The following RPS6KA2 variants were observed in gnomAD, a reference collection of about 807,000 sequenced individuals.
RPS6KA2 encodes ribosomal protein S6 kinase A2, also known as ribosomal protein S6 kinase alpha-2.
A neutral mutation model predicts 91.8 loss-of-function variants in RPS6KA2; 42 were observed. The observed-to-expected ratio is 0.46, with a 90% CI of 0.36 to 0.59. RPS6KA2 has a LOEUF of 0.59. Ranked by LOEUF, RPS6KA2 falls within the 20% of genes least tolerant of loss-of-function variation. The probability of loss-of-function intolerance (pLI) is 0.00; values close to 1 mark genes in which losing one functional copy is unlikely to be tolerated. For missense variants in RPS6KA2, 798 were observed against 978.5 expected, an observed-to-expected ratio of 0.82 and a Z score of 2.46; for synonymous variants, 414 against 393.6, an observed-to-expected ratio of 1.05 and a Z score of -0.61.
chr6:166,529,518 T>C (rs1747610059), intron 3 of RPS6KA2, among the ~76,000 whole-genome samples: 1 of 152,058 alleles, frequency 6.6e-6, no homozygotes, highest in African/African-American at 2.4e-5. Context: ...CATGTATACA[T>C]ATGTAACAAA....
chr6:166,517,463 T>TGG (rs1782692083), intron 3 of RPS6KA2, among the ~76,000 whole-genome samples: 2 of 54,836 alleles, frequency 3.6e-5, no homozygotes, highest in Admixed American at 1.9e-4. Context: ...TTGTTTTTTT[T>TGG]TTTTTTTTTT....
intron 2 of RPS6KA2, among the ~76,000 whole-genome samples, chr6:166,689,930 C>T (rs558588896): frequency 6.6e-6 from 1 of 152,334 alleles, no homozygotes; most frequent in East Asian, 1.9e-4. Context: ...TGAGGCCCAC[C>T]CACCTCACCA....
At chr6:166,491,120 TAGG>T (rs769816702) in intron 8 of RPS6KA2, among the ~76,000 whole-genome samples, 1 of 151,920 alleles carries the variant, frequency 6.6e-6, no homozygotes, top group East Asian at 1.9e-4. Context: ...AGGGATGAGC[TAGG>T]AGGAGGAGGA....
intron 2 of RPS6KA2, among the ~76,000 whole-genome samples, chr6:166,706,841 T>C (rs116618170): frequency 0.026 from 3,892 of 152,250 alleles, 164 homozygotes; most frequent in African/African-American, 0.087. Flanking sequence ...AAAAGTAAAA[T>C]AGTATTAAAC....
Position 166,812,517 on chromosome 6 carries a change from A to AGGCTTTC in RPS6KA2, c.123+45676_123+45682dup, listed in dbSNP as rs1779665537. Among the ~76,000 whole-genome samples, 3 of 151,970 alleles carry AGGCTTTC rather than the reference A, an allele frequency of 2.0e-5. No individual in the cohort carries two copies. The South Asian group carries it at 6.2e-4, about 32-fold the overall frequency. On this transcript the variant is annotated intron_variant, in intron 2 of 21. Transcript: ENST00000503859. ...CTGAGTGTGGGGAGATGTCCCTTTT[A>AGGCTTTC]GGCTTTCTCTCAAAGCCCTGCAGGG...
intron 10 of RPS6KA2, among the ~76,000 whole-genome samples, chr6:166,474,371 C>T (rs950738962): frequency 3.2e-4 from 49 of 152,328 alleles, no homozygotes; most frequent in Admixed American, 1.2e-3. Context: ...GAAGACAGCA[C>T]GCCTGGCTTA....
chr6:166,745,636 C>T (rs1202459817), intron 2 of RPS6KA2, among the ~76,000 whole-genome samples: 3 of 152,182 alleles, frequency 2.0e-5, no homozygotes, highest in African/African-American at 4.8e-5. Context: ...CAACAGAACC[C>T]CAAAGCCTGG....
chr6:166,593,838 T>C (rs1041602740), intron 1 of RPS6KA2, among the ~76,000 whole-genome samples: 6 of 152,204 alleles, frequency 3.9e-5, no homozygotes, highest in Admixed American at 2.6e-4. Flanking sequence ...TTTTAATGTG[T>C]CAAACTTCTA....
intron 2 of RPS6KA2, among the ~76,000 whole-genome samples, chr6:166,646,399 C>G (rs1787603112): frequency 6.6e-6 from 1 of 152,230 alleles, no homozygotes; most frequent in South Asian, 2.1e-4. Flanking sequence ...AAGAACACAA[C>G]CAGCCAAGCT....
chr6:166,486,739 A>G (rs1351016460), intron 10 of RPS6KA2, among the ~76,000 whole-genome samples: 1 of 152,012 alleles, frequency 6.6e-6, no homozygotes, highest in Non-Finnish European at 1.5e-5. Flanking sequence ...GGGTGAGTCT[A>G]CACTCTCCAG....
intron 2 of RPS6KA2, among the ~76,000 whole-genome samples, chr6:166,834,668 TG>T (rs1382915585): frequency 6.6e-6 from 1 of 152,214 alleles, no homozygotes; most frequent in Non-Finnish European, 1.5e-5. Context: ...ATTGGGTGGT[TG>T]TCTTCTTATT....
At position 166,671,896 on chromosome 6, in the gene RPS6KA2, C is replaced by T. The variant is rs533099227; in HGVS notation, c.124-133112G>A. Among the ~76,000 whole-genome samples the T allele has an allele frequency of 1.0e-3, 159 of 152,166 alleles. 2 individuals carry two copies. Among genetic ancestry groups the T allele is most frequent in the African/African-American group, 3.4e-3 (142 of 41,498 alleles). On this transcript the variant is annotated intron_variant, in intron 2 of 21. Transcript: ENST00000503859. ...GCAAATTGGGTGGGGCAGAGCTCAC[C>T]GAGGTTCAGATTCGCAGGAGGACAG...
At chr6:166,815,891 T>C (rs967506992) in intron 2 of RPS6KA2, among the ~76,000 whole-genome samples, 5 of 152,106 alleles carry the variant, frequency 3.3e-5, no homozygotes, top group African/African-American at 7.2e-5. Context: ...TCTACAAAAA[T>C]AAAAGGAGTG....
At chr6:166,752,317 G>T (rs956099937) in intron 2 of RPS6KA2, among the ~76,000 whole-genome samples, 1 of 152,148 alleles carries the variant, frequency 6.6e-6, no homozygotes, top group African/African-American at 2.4e-5. Context: ...AGTCACCGCA[G>T]AGCAAGACCA....
At position 166,452,944 on chromosome 6, in the gene RPS6KA2, AAT is replaced by A. The variant is rs1317816793; in HGVS notation, c.1076-1713_1076-1712del. On this transcript the variant is annotated intron_variant, in intron 12 of 20. Coordinates refer to ENST00000265678, the MANE Select transcript of RPS6KA2 (RefSeq NM_021135.6). ...GCTGGGTGCAGTGGCTCACACCTGT[AAT>A]CCCAGCACTTTGGGAGGCTGAGGCA... Among the ~76,000 whole-genome samples the A allele has an allele frequency of 3.3e-5, 5 of 152,294 alleles. No homozygotes were observed. The South Asian group carries it at 8.3e-4, about 25-fold the overall frequency.
chr6:166,808,457 C>T (rs1266521349), intron 2 of RPS6KA2, among the ~76,000 whole-genome samples: 2 of 152,128 alleles, frequency 1.3e-5, no homozygotes, highest in East Asian at 3.8e-4. Context: ...TGTCTCACCC[C>T]ACTAGAGCAT....
intron 2 of RPS6KA2, among the ~76,000 whole-genome samples, chr6:166,692,689 G>C (rs562614523): frequency 5.9e-5 from 9 of 152,252 alleles, no homozygotes; most frequent in South Asian, 2.1e-4. Context: ...TAACTAACTG[G>C]CCTGTTTGGC....
At position 166,500,845 on chromosome 6, in the gene RPS6KA2, C is replaced by G; in HGVS notation, c.604+42G>C. On this transcript the variant is annotated intron_variant, in intron 7 of 20. Coordinates refer to ENST00000265678, the MANE Select transcript of RPS6KA2 (RefSeq NM_021135.6). The surrounding 1 kb of genome is among the most constrained non-coding windows in gnomAD (Gnocchi z 4.3). ...GAGGTGGTCCCCAAAGGTACCAGGG[C>G]TGAGATGAAGCCATGGAGGGGGCCT... 6.3e-7 allele frequency: 1 copy of G among 1,590,906 alleles called. No homozygotes were observed. The highest frequency in any genetic ancestry group is 8.6e-7 in the Non-Finnish European group (1 of 1,159,036).
intron 2 of RPS6KA2, among the ~76,000 whole-genome samples, chr6:166,765,946 G>C (rs1356612166): frequency 6.6e-6 from 1 of 152,186 alleles, no homozygotes; most frequent in Non-Finnish European, 1.5e-5. Flanking sequence ...CAGCCTGTTA[G>C]GAACAAAACA....
Sources: allele counts gnomAD v4.1 joint callset (sites outside exome capture counted in the v4.1 genomes callset), GRCh38; gene constraint gnomAD v4.1.1; non-coding constraint Gnocchi (gnomAD v3.1); transcripts MANE v1.5; gene names NCBI Gene and HGNC (gene_info 2026-07-23, HGNC 2026-07-21).